The following TMPRSS3 variants were observed in gnomAD, a reference collection of about 807,000 sequenced individuals.
TMPRSS3 encodes transmembrane serine protease 3, also known as transmembrane protease serine 3.
TMPRSS3 carries 55 observed loss-of-function variants against 59.6 expected under a neutral mutation model. That is an observed-to-expected ratio of 0.92 (90% CI 0.74 to 1.16). The LOEUF (loss-of-function observed/expected upper bound fraction) is 1.16. TMPRSS3 is among the 50% of genes most tolerant of loss of function. The pLI is 0.00. For missense variants in TMPRSS3, 596 were observed against 579.4 expected (o/e 1.03, Z -0.29); for synonymous variants, 257 against 237.7 (o/e 1.08, Z -0.75).
At chr21:42,374,855 G>A (rs974971248) in intron 12 of TMPRSS3, among the ~76,000 whole-genome samples, 15 of 151,332 alleles carry the variant, frequency 9.9e-5, no homozygotes, top group East Asian at 3.9e-4. Context: ...TTTTCTCATC[G>A]ACTTTATAAC....
chr21:42,378,203 G>C (rs944596839), intron 10 of TMPRSS3, among the ~76,000 whole-genome samples: 1 of 152,272 alleles, frequency 6.6e-6, no homozygotes, highest in Non-Finnish European at 1.5e-5. Flanking sequence ...CCCTCGGCCA[G>C]GTGGGCAGCA....
intron 5 of TMPRSS3, among the ~76,000 whole-genome samples, chr21:42,386,263 A>G (rs2052631950): frequency 6.6e-6 from 1 of 152,246 alleles, no homozygotes; most frequent in South Asian, 2.1e-4. Flanking sequence ...CATAGTGAAC[A>G]CACCAGCTTA....
chr21:42,390,703 G>T (rs1442185026), intron 2 of TMPRSS3, among the ~76,000 whole-genome samples: 1 of 152,132 alleles, frequency 6.6e-6, no homozygotes, highest in Non-Finnish European at 1.5e-5. Flanking sequence ...ACTCCAGCCT[G>T]GGCAACAAGA....
rs993284869 is a variant in TMPRSS3, at chr21:42,371,906, A to G, written c.*856T>C. ...GCCAGACAATGAGGGAAGGAAACAT[A>G]TTATTTGGAATCAAAGGACAATAAT... On this transcript the variant is annotated 3_prime_UTR_variant, in exon 13 of 13. Transcript: ENST00000644384. 1.5e-5 allele frequency: 7 copies of G among 453,698 alleles called. No homozygotes were observed. Among genetic ancestry groups the G allele is most frequent in the South Asian group, 6.2e-5 (4 of 64,470 alleles). The allele number at this position is 453,698 out of a possible 1,614,324, so 28.1% of individuals were successfully genotyped here. A position where few individuals can be genotyped will look rare whatever the true frequency, so the allele number is the denominator to read the frequency against.
At chr21:42,380,737 G>A (rs536488572) in intron 9 of TMPRSS3, among the ~76,000 whole-genome samples, 2 of 152,218 alleles carry the variant, frequency 1.3e-5, no homozygotes, top group Non-Finnish European at 2.9e-5. Context: ...TGGAGGCGAC[G>A]AGTTTGCCTG....
In TMPRSS3 at chr21:42,385,600, T is replaced by C. The variant is rs1221042636; in HGVS notation, c.447-66A>G. The C allele has an allele frequency of 5.0e-6, 8 of 1,593,838 alleles. No homozygotes were observed. The East Asian group carries it at 1.6e-4, about 31-fold the overall frequency. On this transcript the variant is annotated intron_variant, in intron 5 of 12. Coordinates refer to ENST00000644384, the MANE Select transcript of TMPRSS3 (RefSeq NM_001256317.3). ...TACACTTTGAAGCATTCAACCGATG[T>C]GCGAGTCACAATATTACAGGGATTG...
intron 9 of TMPRSS3, chr21:42,381,825 A>G: frequency 1.5e-6 from 1 of 649,382 alleles, no homozygotes. Flanking sequence ...TGCAAACATG[A>G]GAGCCACATT....
intron 2 of TMPRSS3, among the ~76,000 whole-genome samples, chr21:42,391,059 C>T (rs1173688647): frequency 2.6e-5 from 4 of 152,188 alleles, no homozygotes; most frequent in Non-Finnish European, 4.4e-5. Flanking sequence ...AGCCCTATGA[C>T]ACTAAGATGG....
chr21:42,377,881 T>C (rs1247682506), intron 10 of TMPRSS3, among the ~76,000 whole-genome samples: 4 of 152,216 alleles, frequency 2.6e-5, no homozygotes, highest in Admixed American at 2.6e-4. Context: ...GTCGGACCTT[T>C]TGCACTGGAC....
Position 42,389,923 on chromosome 21 carries a change from T to G in TMPRSS3, c.205+4A>C, listed in dbSNP as rs2052706153. Reference sequence around the variant, plus strand: ...GATCCTACTAAATAATGAATTGTACTCACTGCCCAGACCAATGGCCAGTGC... The same window carrying G: ...GATCCTACTAAATAATGAATTGTACGCACTGCCCAGACCAATGGCCAGTGC... On this transcript the variant is annotated splice_donor_region_variant and intron_variant, in intron 3 of 12. Transcript: ENST00000644384. 1 of 1,603,050 alleles carries G rather than the reference T, an allele frequency of 6.2e-7. No homozygotes were observed. Among genetic ancestry groups the G allele is most frequent in the African/African-American group, 1.3e-5 (1 of 74,692 alleles).
intron 8 of TMPRSS3, chr21:42,382,652 G>A (rs2146435326): frequency 2.5e-6 from 1 of 398,824 alleles, no homozygotes. Flanking sequence ...CCAGTACCTG[G>A]CCCCCAACAT....
intron 12 of TMPRSS3, among the ~76,000 whole-genome samples, chr21:42,373,758 G>A (rs539485352): frequency 6.6e-6 from 1 of 152,320 alleles, no homozygotes; most frequent in East Asian, 1.9e-4. Flanking sequence ...CTCCGCTGTA[G>A]TACAGGGAGG....
intron 8 of TMPRSS3, chr21:42,382,604 T>G: frequency 2.6e-6 from 1 of 391,926 alleles, no homozygotes. Flanking sequence ...TTCTGTAGTT[T>G]TCTTGCACTC....
intron 10 of TMPRSS3, among the ~76,000 whole-genome samples, chr21:42,378,738 C>T (rs768511198): frequency 4.6e-5 from 7 of 151,926 alleles, no homozygotes; most frequent in South Asian, 2.1e-4. Context: ...TTTTTTTAAA[C>T]GCAAAGTCTC....
intron 7 of TMPRSS3, chr21:42,383,521 A>G (rs921776215): frequency 7.6e-6 from 4 of 527,450 alleles, no homozygotes; most frequent in Non-Finnish European, 1.4e-5. Flanking sequence ...AGGAGCAGGC[A>G]GGAACCTTCT....
intron 3 of TMPRSS3, chr21:42,389,268 C>A (rs1272974027): frequency 3.7e-6 from 3 of 811,848 alleles, no homozygotes; most frequent in Middle Eastern, 3.6e-4. Context: ...TGGCCTGGCC[C>A]AGGAACCACA....
Position 42,388,618 on chromosome 21 carries a change from C to T in TMPRSS3, c.323-92G>A. On this transcript the variant is annotated intron_variant, in intron 4 of 12. Transcript: ENST00000644384. The surrounding 1 kb of genome is among the most constrained non-coding windows in gnomAD (Gnocchi z 5.1). ...TTCTCCACAGCCAGCTCAAACCCCT[C>T]CTCTGCCAAATCTGACCCACTTCTT... 6.3e-7 allele frequency: 1 copy of T among 1,587,276 alleles called. No homozygotes were observed. The highest frequency in any genetic ancestry group is 2.2e-5 in the East Asian group (1 of 44,738).
intron 7 of TMPRSS3, chr21:42,383,608 C>A (rs1443683378): frequency 3.8e-6 from 2 of 521,218 alleles, no homozygotes; most frequent in African/African-American, 3.8e-5. Flanking sequence ...TGTGAACACT[C>A]CCCTCTGCCA....
In TMPRSS3 at chr21:42,388,470, T is replaced by C; in HGVS notation, c.379A>G (p.Thr127Ala). The C allele has an allele frequency of 3.1e-6, 5 of 1,614,250 alleles. No individual in the cohort carries two copies. The highest frequency in any genetic ancestry group is 2.2e-5 in the East Asian group (1 of 44,892). Residue 127 changes from threonine to alanine, a missense_variant, in exon 5 of 13, where the codon ACC (threonine) becomes GCC (alanine). By Grantham distance (58) the Thr-to-Ala change is moderately conservative. Coordinates refer to ENST00000644384, the MANE Select transcript of TMPRSS3 (RefSeq NM_001256317.3). This position sits in a 1 kb window ranked among gnomAD's most constrained non-coding sequence, Gnocchi z 5.1. ...CCCTTCCAGTCATCGGAGCACATGG[T>C]CTTCCACGAAGCAGCTGTGAACACC... ...LQVFTAASWK[T>A]MCSDDWKGHY... is the part of the protein sequence containing the mutation.
Sources: gnomAD v4.1 joint callset for allele counts (sites outside exome capture counted in the v4.1 genomes callset) on GRCh38, gnomAD v4.1.1 for gene constraint, Gnocchi (gnomAD v3.1) non-coding constraint, MANE v1.5 for transcripts, NCBI Gene and HGNC (gene_info 2026-07-23, HGNC 2026-07-21) for gene names.